Variants in FKBP15 observed in about 807,000 individuals in gnomAD.
FKBP15 encodes the protein FKBP prolyl isomerase family member 15.
A neutral mutation model predicts 158.1 loss-of-function variants in FKBP15; 106 were observed. The ratio of observed to expected loss-of-function variants is 0.67; its 90% CI spans 0.57 to 0.79. The LOEUF (loss-of-function observed/expected upper bound fraction) is 0.79. Among genes scored for constraint, FKBP15 ranks in the 30% least tolerant of loss-of-function variants. The pLI is 0.00. For synonymous variants in FKBP15, 547 were observed against 548.6 expected (o/e 1.00, Z 0.04); for missense variants, 1,287 against 1,479.1 (o/e 0.87, Z 2.13).
At chr9:113,187,407 T>G (rs1468077818) in intron 14 of FKBP15, 1 of 160,384 alleles carries the variant, frequency 6.2e-6, no homozygotes, top group African/African-American at 2.4e-5. Context: ...TTCCACATGG[T>G]TCCACTTTTA....
Position 113,162,011 on chromosome 9 carries a change from T to G in FKBP15, c.*4067A>C. The G allele has an allele frequency of 2.3e-6, 1 of 441,150 alleles. No individual in the cohort carries two copies. The highest frequency in any genetic ancestry group is 4.2e-6 in the Non-Finnish European group (1 of 237,996). The allele number at this position is 441,150 out of a possible 1,614,324, so 27.3% of individuals were successfully genotyped here. A position where few individuals can be genotyped will look rare whatever the true frequency, so the allele number is the denominator to read the frequency against. ...CCCACCCTCCCCCAAATCTCACCAG[T>G]TCCATGGGTCACTAGGCTCCCATAT... On this transcript the variant is annotated 3_prime_UTR_variant, in exon 28 of 28. Transcript: ENST00000238256.
intron 24 of FKBP15, 65 bp downstream of exon 24, chr9:113,171,516 C>G: frequency 6.4e-7 from 1 of 1,555,582 alleles, no homozygotes; most frequent in South Asian, 1.2e-5. Flanking sequence ...ACACAACATA[C>G]TGGCCATGTT....
In FKBP15 at chr9:113,165,643, G is replaced by A. The variant is rs1300737634; in HGVS notation, c.*435C>T. 1.3e-5 allele frequency: 2 copies of A among 157,632 alleles called. No individual in the cohort carries two copies. Among genetic ancestry groups the A allele is most frequent in the African/African-American group, 2.4e-5 (1 of 41,648 alleles). 9.8% of individuals were successfully genotyped at this position (157,632 alleles called of 1,614,324 possible). On this transcript the variant is annotated 3_prime_UTR_variant, in exon 28 of 28. Coordinates refer to ENST00000238256, the MANE Select transcript of FKBP15 (RefSeq NM_015258.2). Reference sequence around the variant, plus strand: ...ATAGGCCAGGCTGTTGACTGCACTGGGATTTAGATGGTGTAATCTCCCTTA... The same window carrying A: ...ATAGGCCAGGCTGTTGACTGCACTGAGATTTAGATGGTGTAATCTCCCTTA...
At chr9:113,199,210 C>A (rs1250860550) in intron 7 of FKBP15, among the ~76,000 whole-genome samples, 2 of 152,106 alleles carry the variant, frequency 1.3e-5, no homozygotes, top group African/African-American at 4.8e-5. Flanking sequence ...AATAAATTAT[C>A]TCATTTTGAT....
chr9:113,167,226 T>C (rs1564145238), intron 27 of FKBP15, among the ~76,000 whole-genome samples: 1 of 152,234 alleles, frequency 6.6e-6, no homozygotes, highest in Non-Finnish European at 1.5e-5. Flanking sequence ...CCCTCTGATA[T>C]ATAAAATGGG....
chr9:113,162,975 C>T lies in FKBP15; in HGVS notation c.*3103G>A, dbSNP rs1830041041. On this transcript the variant is annotated 3_prime_UTR_variant, in exon 28 of 28. Transcript: ENST00000238256. ...GGGACATGGAGCCCCCTCTTCCAGA[C>T]ACTATACTTCCAACTGCCCTTTCTT... 37 of 1,420,520 alleles carry T rather than the reference C, an allele frequency of 2.6e-5. No homozygotes were observed. The highest frequency in any genetic ancestry group is 5.3e-4 in the Middle Eastern group (2 of 3,790). 88.0% of individuals were successfully genotyped at this position (1,420,520 alleles called of 1,614,324 possible).
At chr9:113,210,162 G>A (rs73655852) in intron 2 of FKBP15, among the ~76,000 whole-genome samples, 2,705 of 152,192 alleles carry the variant, frequency 0.018, 87 homozygotes, top group African/African-American at 0.062. Flanking sequence ...CAAAGCGCAC[G>A]CTATCTAGCT....
chr9:113,190,364 T>C (rs34381175), intron 12 of FKBP15, 107 bp downstream of exon 12: 28,657 of 910,154 alleles, frequency 0.031, 586 homozygotes, highest in Non-Finnish European at 0.039. Context: ...ATTAGCTCTC[T>C]AAATAATGAT....
chr9:113,202,929 G>C (rs781673361), intron 5 of FKBP15, 32 bp downstream of exon 5: 2 of 1,537,260 alleles, frequency 1.3e-6, no homozygotes, highest in Admixed American at 3.4e-5. Context: ...TATCCCGAAG[G>C]AGCTAATGAT....
In FKBP15 at chr9:113,169,395, C is replaced by G. The variant is rs771270962; in HGVS notation, c.3314G>C (p.Gly1105Ala). The change falls in exon 26 of 28, where the codon GGG becomes GCG. Residue 1105 changes from glycine to alanine, a missense_variant. Coordinates refer to ENST00000238256, the MANE Select transcript of FKBP15 (RefSeq NM_015258.2). ...TTCAGGCCCTAAGGCCAGTGGGTCCCCCTCCTCGGGGTCTGAAGTCAGGGA... is the reference window on the plus strand; with the variant it reads ...TTCAGGCCCTAAGGCCAGTGGGTCCGCCTCCTCGGGGTCTGAAGTCAGGGA... ...RLSLTSDPEE[G>A]DPLALGPESP... 429 of 1,614,032 alleles carry G rather than the reference C, an allele frequency of 2.7e-4. 1 individual carries two copies. The highest frequency in any genetic ancestry group is 7.9e-4 in the South Asian group (72 of 91,084).
At position 113,169,536 on chromosome 9, in the gene FKBP15, C is replaced by T. The variant is rs757961097; in HGVS notation, c.3173G>A (p.Cys1058Tyr). 1.2e-6 allele frequency: 2 copies of T among 1,613,954 alleles called. No individual in the cohort carries two copies. Among genetic ancestry groups the T allele is most frequent in the South Asian group, 1.1e-5 (1 of 91,096 alleles). ...TGGGCTGGCAGCAAGTGACTCCTCACACTCAGAGTCCATGGATACAGGGCC... is the reference window on the plus strand; with the variant it reads ...TGGGCTGGCAGCAAGTGACTCCTCATACTCAGAGTCCATGGATACAGGGCC... ...PLGPVSMDSE[C>Y]EESLAASPMA... The change falls in exon 26 of 28, where the codon TGT becomes TAT. Residue 1058 changes from cysteine to tyrosine, a missense_variant. Physicochemically the swap from Cys to Tyr is radical, Grantham distance 194 (BLOSUM62 -2). Coordinates refer to ENST00000238256, the MANE Select transcript of FKBP15 (RefSeq NM_015258.2).
intron 9 of FKBP15, 99 bp from the exon 10 acceptor site, chr9:113,194,268 G>A (rs1587964799): frequency 4.2e-6 from 4 of 960,372 alleles, no homozygotes; most frequent in East Asian, 5.6e-5. Flanking sequence ...GACTGTTGTC[G>A]GGTGGGGGTA....
Position 113,196,927 on chromosome 9 carries a change from C to T in FKBP15, c.864+5G>A, listed in dbSNP as rs774896172. ...ATCAAACAAAACACAGAGAGTTTCA[C>T]TCACCCGCCTAACCTCCACCTCGAA... On this transcript the variant is annotated splice_donor_5th_base_variant and intron_variant, in intron 9 of 27. Transcript: ENST00000238256. 6.2e-7 allele frequency: 1 copy of T among 1,613,502 alleles called. No individual in the cohort carries two copies. Among genetic ancestry groups the T allele is most frequent in the South Asian group, 1.1e-5 (1 of 91,062 alleles).
At chr9:113,176,495 T>TGGCC in intron 21 of FKBP15, 42 bp downstream of exon 21, 1 of 1,534,066 alleles carries the variant, frequency 6.5e-7, no homozygotes. Flanking sequence ...TAAAAATGTT[T>TGGCC]ATTAAACAGC....
intron 2 of FKBP15, among the ~76,000 whole-genome samples, chr9:113,210,858 C>T (rs1230848815): frequency 1.3e-5 from 2 of 152,196 alleles, no homozygotes; most frequent in South Asian, 2.1e-4. Context: ...TTTCTGCCGT[C>T]GAACATCAGA....
intron 1 of FKBP15, among the ~76,000 whole-genome samples, chr9:113,215,758 A>T (rs10817461): frequency 0.47 from 69,633 of 147,244 alleles, 16,661 homozygotes; most frequent in South Asian, 0.58. Context: ...CAAGCGATTC[A>T]CATGCCTCAG....
At chr9:113,205,432 T>G (rs73550298) in intron 4 of FKBP15, among the ~76,000 whole-genome samples, 6,639 of 152,182 alleles carry the variant, frequency 0.044, 210 homozygotes, top group African/African-American at 0.085. Flanking sequence ...ACATTAGACA[T>G]TGGGTAAAAT....
chr9:113,162,955 A>T lies in FKBP15; in HGVS notation c.*3123T>A, dbSNP rs1348436700. On this transcript the variant is annotated 3_prime_UTR_variant, in exon 28 of 28. Coordinates refer to ENST00000238256, the MANE Select transcript of FKBP15 (RefSeq NM_015258.2). ...GTGCAGGCACTGAGGCTGGAGGGACATGGAGCCCCCTCTTCCAGACACTAT... is the reference window on the plus strand; with the variant it reads ...GTGCAGGCACTGAGGCTGGAGGGACTTGGAGCCCCCTCTTCCAGACACTAT... The T allele has an allele frequency of 1.3e-6, 2 of 1,538,544 alleles. No homozygotes were observed. Among genetic ancestry groups the T allele is most frequent in the Non-Finnish European group, 1.8e-6 (2 of 1,139,620 alleles).
Position 113,169,347 on chromosome 9 carries a change from G to A in FKBP15, c.3362C>T (p.Pro1121Leu), listed in dbSNP as rs1587948103. 1.2e-6 allele frequency: 2 copies of A among 1,614,056 alleles called. No homozygotes were observed. The change falls in exon 26 of 28, where the codon CCA (proline) becomes CTA (leucine). Residue 1121 changes from proline to leucine, a missense_variant. Pro to Leu is a moderately conservative substitution (Grantham distance 98, BLOSUM62 -3). Transcript: ENST00000238256. ...GPESPGEPQP[P>L]QLKKDDVTSS... ...AGTGACATCATCTTTCTTGAGCTGT[G>A]GAGGCTGAGGCTCTCCTGGGCTTTC...
Sources: allele counts gnomAD v4.1 joint callset (sites outside exome capture counted in the v4.1 genomes callset), GRCh38; gene constraint gnomAD v4.1.1; transcripts MANE v1.5; gene names NCBI Gene and HGNC (gene_info 2026-07-23, HGNC 2026-07-21).